Variants in MARCHF8 observed in about 807,000 individuals in gnomAD.
MARCHF8 encodes the protein E3 ubiquitin-protein ligase MARCHF8.
Under a neutral mutation model 51.6 loss-of-function variants are expected in MARCHF8, and 40 were observed. The observed-to-expected ratio is 0.77, with a 90% CI of 0.60 to 1.01. The LOEUF (loss-of-function observed/expected upper bound fraction) is 1.01. Among genes scored for constraint, MARCHF8 ranks in the 50% least tolerant of loss-of-function variants. The probability of loss-of-function intolerance (pLI) is 0.00; values close to 1 mark genes in which losing one functional copy is unlikely to be tolerated. For missense variants in MARCHF8, 685 were observed against 708.6 expected (o/e 0.97, Z 0.38); for synonymous variants, 263 against 280.3 (o/e 0.94, Z 0.62).
At chr10:45,589,180 T>C (rs982478317) in intron 1 of MARCHF8, among the ~76,000 whole-genome samples, 6 of 152,090 alleles carry the variant, frequency 3.9e-5, no homozygotes, top group Admixed American at 6.5e-5. Context: ...TATTACCTCA[T>C]AGTTACCATA....
chr10:45,488,776 G>A (rs1388964713), intron 3 of MARCHF8, among the ~76,000 whole-genome samples: 1 of 152,112 alleles, frequency 6.6e-6, no homozygotes, highest in Admixed American at 6.5e-5. Context: ...TAAATATGGA[G>A]GGCTGTGTAA....
chr10:45,538,770 T>C (rs1291150410), upstream of MARCHF8, among the ~76,000 whole-genome samples: 1 of 152,186 alleles, frequency 6.6e-6, no homozygotes, highest in African/African-American at 2.4e-5. Flanking sequence ...GAGCTAACTA[T>C]CCTAAATATA....
chr10:45,570,641 C>A (rs1174683804), intron 1 of MARCHF8, among the ~76,000 whole-genome samples: 1 of 152,122 alleles, frequency 6.6e-6, no homozygotes, highest in Non-Finnish European at 1.5e-5. Flanking sequence ...AAAAGAAATA[C>A]TACGCATAAA....
At chr10:45,580,227 T>C (rs751556382) in intron 1 of MARCHF8, among the ~76,000 whole-genome samples, 8 of 152,106 alleles carry the variant, frequency 5.3e-5, no homozygotes, top group Non-Finnish European at 1.2e-4. Context: ...TCATTAGAAG[T>C]TATTTAAAAT....
chr10:45,519,570 G>A (rs544734701), intron 2 of MARCHF8, among the ~76,000 whole-genome samples: 1 of 152,360 alleles, frequency 6.6e-6, no homozygotes, highest in South Asian at 2.1e-4. Context: ...ACAAGGAAAT[G>A]AGCATGGCTC....
intron 1 of MARCHF8, among the ~76,000 whole-genome samples, chr10:45,561,481 G>A (rs565990229): frequency 6.6e-6 from 1 of 151,558 alleles, no homozygotes; most frequent in South Asian, 2.1e-4. Context: ...CACCATGTTG[G>A]CCAGGCTGGT....
At chr10:45,552,080 TA>T (rs1204043362) in intron 1 of MARCHF8, among the ~76,000 whole-genome samples, 1 of 152,214 alleles carries the variant, frequency 6.6e-6, no homozygotes, top group Admixed American at 6.5e-5. Context: ...AGAGCAGGGG[TA>T]AAAATATTCC....
At chr10:45,539,754 G>A (rs1589162382), upstream of MARCHF8, among the ~76,000 whole-genome samples, 2 of 152,284 alleles carry the variant, frequency 1.3e-5, no homozygotes, top group East Asian at 1.9e-4. Flanking sequence ...AAAAGAGGAA[G>A]TCAAATTGTT....
chr10:45,482,194 G>A (rs575347305), intron 3 of MARCHF8, among the ~76,000 whole-genome samples: 20 of 152,212 alleles, frequency 1.3e-4, no homozygotes, highest in East Asian at 3.9e-4. Flanking sequence ...GATATCCCAC[G>A]TCCACGGATC....
At chr10:45,494,491 C>G (rs1202369228) in intron 2 of MARCHF8, among the ~76,000 whole-genome samples, 3 of 152,154 alleles carry the variant, frequency 2.0e-5, no homozygotes, top group Non-Finnish European at 2.9e-5. Flanking sequence ...TACTCAATAC[C>G]TATCTCCCTT....
At chr10:45,547,979 G>T (rs2044147866) in intron 1 of MARCHF8, among the ~76,000 whole-genome samples, 2 of 152,186 alleles carry the variant, frequency 1.3e-5, no homozygotes. Context: ...TTGCAAATTT[G>T]TATCACAAGC....
intron 1 of MARCHF8, among the ~76,000 whole-genome samples, chr10:45,542,231 C>T (rs1435589987): frequency 6.6e-6 from 1 of 150,920 alleles, no homozygotes; most frequent in Admixed American, 6.6e-5. Flanking sequence ...CTGTAGTCCC[C>T]AGCTACTTGG....
At position 45,458,508 on chromosome 10, in the gene MARCHF8, C is replaced by A. The variant is rs756396964; in HGVS notation, c.1453G>T (p.Val485Phe). ...LEWPFWTKLV[V>F]VAIGFTGGLL... The stretch of plus-strand genomic sequence containing the variant: ...CCTCCGGTGAAGCCGATGGCCACAA[C>A]CACCAATTTAGTCCAAAAGGGCCAT... Residue 485 changes from valine to phenylalanine, a missense_variant, in exon 8 of 8, where the codon GTT becomes TTT. Transcript: ENST00000453424. 1 of 1,606,398 alleles carries A rather than the reference C, an allele frequency of 6.2e-7. No individual in the cohort carries two copies. The highest frequency in any genetic ancestry group is 8.5e-7 in the Non-Finnish European group (1 of 1,176,630).
At chr10:45,574,105 T>C (rs201155759) in intron 1 of MARCHF8, among the ~76,000 whole-genome samples, 1 of 139,022 alleles carries the variant, frequency 7.2e-6, no homozygotes, top group African/African-American at 2.8e-5. Flanking sequence ...CGTAGTATAG[T>C]ATACCTCTAC....
chr10:45,477,976 T>A (rs939728993), intron 3 of MARCHF8, among the ~76,000 whole-genome samples: 1 of 152,168 alleles, frequency 6.6e-6, no homozygotes, highest in Non-Finnish European at 1.5e-5. Context: ...AGCTGAGGAC[T>A]TCAACACCCC....
rs1322991030 is a variant in MARCHF8, at chr10:45,503,590, TA to T, written c.103-14174del. ...AAATAAAATAAAAACTAAAAATAAA[TA>T]AAAAACAACCAATTATATGCTATCT... On this transcript the variant is annotated intron_variant, in intron 2 of 7. Transcript: ENST00000453424. Among the ~76,000 whole-genome samples the T allele has an allele frequency of 2.0e-5, 3 of 146,458 alleles. No individual in the cohort carries two copies. The East Asian group carries it at 5.9e-4, about 29-fold the overall frequency.
intron 1 of MARCHF8, among the ~76,000 whole-genome samples, chr10:45,577,098 G>A (rs942245049): frequency 2.6e-5 from 4 of 152,134 alleles, no homozygotes; most frequent in Non-Finnish European, 5.9e-5. Flanking sequence ...CAAAGAGCCA[G>A]AGGGTGAAAT....
chr10:45,559,322 A>G (rs2044284883), intron 1 of MARCHF8, among the ~76,000 whole-genome samples: 3 of 152,236 alleles, frequency 2.0e-5, no homozygotes, highest in Admixed American at 1.3e-4. Flanking sequence ...ATTACAGAAC[A>G]CAGTATAATG....
At chr10:45,527,494 C>T (rs544862875) in intron 2 of MARCHF8, among the ~76,000 whole-genome samples, 6 of 152,180 alleles carry the variant, frequency 3.9e-5, no homozygotes, top group Non-Finnish European at 2.9e-5. Flanking sequence ...TCTACACTAA[C>T]GAACTAGAAA....
Sources: gnomAD v4.1 joint callset for allele counts (sites outside exome capture counted in the v4.1 genomes callset) on GRCh38, gnomAD v4.1.1 for gene constraint, MANE v1.5 for transcripts, NCBI Gene and HGNC (gene_info 2026-07-23, HGNC 2026-07-21) for gene names.